AK8: variants seen among roughly 807,000 people sequenced by gnomAD.
AK8 encodes the protein ATP-AMP transphosphorylase 8.
AK8 carries 44 observed loss-of-function variants against 54.6 expected under a neutral mutation model. That is an observed-to-expected ratio of 0.81 (90% confidence interval 0.63 to 1.04). The LOEUF (loss-of-function observed/expected upper bound fraction) is 1.04. Ranked by LOEUF, AK8 falls within the 50% of genes least tolerant of loss-of-function variation. The pLI is 0.00. For missense variants in AK8, 555 were observed against 613.6 expected (o/e 0.90, Z 1.01); for synonymous variants, 239 against 245.6 (o/e 0.97, Z 0.25).
intron 11 of AK8, among the ~76,000 whole-genome samples, chr9:132,780,777 AAAC>A (rs1839429758): frequency 6.6e-6 from 1 of 152,166 alleles, no homozygotes; most frequent in Admixed American, 6.5e-5. Flanking sequence ...ATACTCCAGA[AAAC>A]AACACCAAGA....
rs772177520 is a variant in AK8, at chr9:132,792,687, C to G, written c.1068G>C (p.Pro356=). 3 of 1,556,088 alleles carry G rather than the reference C, an allele frequency of 1.9e-6. No individual in the cohort carries two copies. In the Admixed American group the frequency reaches 5.8e-5, roughly 30 times the overall value. ...GCAGGTGTGCCTGGTCGAGGTCCCGCGGGACGCCGTGTAGCACCCAGCCTT... is the reference window on the plus strand; with the variant it reads ...GCAGGTGTGCCTGGTCGAGGTCCCGGGGGACGCCGTGTAGCACCCAGCCTT... ...IQKGWVLHGV[P]RDLDQAHLLN... The change falls in exon 11 of 13, where the codon CCG becomes CCC. Residue 356 remains proline, a synonymous_variant. Transcript: ENST00000298545.
At chr9:132,738,367 T>C (rs781299026) in intron 11 of AK8, among the ~76,000 whole-genome samples, 4 of 152,156 alleles carry the variant, frequency 2.6e-5, no homozygotes, top group Non-Finnish European at 5.9e-5. Context: ...TATCTTAACA[T>C]GGGCAGTTTT....
intron 1 of AK8, among the ~76,000 whole-genome samples, chr9:132,876,902 TA>T (rs879465685): frequency 3.4e-5 from 5 of 146,970 alleles, no homozygotes; most frequent in African/African-American, 1.2e-4. Context: ...GTACTAAAAT[TA>T]AAAAAAAAAC....
chr9:132,878,407 C>T (rs912023482), upstream of AK8: 13 of 1,238,426 alleles, frequency 1.0e-5, no homozygotes, highest in Non-Finnish European at 1.2e-5. The surrounding 1 kb of genome is among the most constrained non-coding windows in gnomAD (Gnocchi z 4.7). Flanking sequence ...CCCGCCCCGA[C>T]CTCCCCGGCT....
intron 10 of AK8, among the ~76,000 whole-genome samples, chr9:132,811,532 C>A (rs1405530658): frequency 1.3e-5 from 2 of 152,260 alleles, no homozygotes; most frequent in Non-Finnish European, 2.9e-5. Flanking sequence ...AGGAGCACAG[C>A]CCTACTAATA....
rs1840357029 is a variant in AK8, at chr9:132,799,793, G to T, written c.980-7018C>A. ...TCATCCCTCACATTCGCTTCAAACTGCCCGGTGTAACTTCTTTCCTTCTTC... is the reference window on the plus strand; with the variant it reads ...TCATCCCTCACATTCGCTTCAAACTTCCCGGTGTAACTTCTTTCCTTCTTC... On this transcript the variant is annotated intron_variant, in intron 10 of 12. Transcript: ENST00000298545. The surrounding 1 kb of genome is among the most constrained non-coding windows in gnomAD (Gnocchi z 5.0). Among the ~76,000 whole-genome samples the T allele has an allele frequency of 6.6e-6, 1 of 152,064 alleles. No individual in the cohort carries two copies. Among genetic ancestry groups the T allele is most frequent in the African/African-American group, 2.4e-5 (1 of 41,362 alleles).
In AK8 at chr9:132,827,069, G is replaced by A. The variant is rs747394489; in HGVS notation, c.557-15C>T. The A allele has an allele frequency of 1.7e-5, 28 of 1,612,734 alleles. No homozygotes were observed. The highest frequency in any genetic ancestry group is 1.1e-4 in the African/African-American group (8 of 74,898). On this transcript the variant is annotated splice_polypyrimidine_tract_variant and intron_variant, in intron 7 of 12. Coordinates refer to ENST00000298545, the MANE Select transcript of AK8 (RefSeq NM_152572.3). ...GTGATAAATCTCTACAAGGAGAGAGGTGCACAGTTAGAAATGGCCATGCAG... is the reference window on the plus strand; with the variant it reads ...GTGATAAATCTCTACAAGGAGAGAGATGCACAGTTAGAAATGGCCATGCAG...
Position 132,817,735 on chromosome 9 carries a change from A to G in AK8, c.890-3008T>C, listed in dbSNP as rs1294636274. ...CCAAATCTAAGAGACCTAGAGGACA[A>G]TACCAGACAGTCTAACATATGTGGA... On this transcript the variant is annotated intron_variant, in intron 9 of 12. Transcript: ENST00000298545. Among the ~76,000 whole-genome samples the G allele has an allele frequency of 3.3e-5, 5 of 152,360 alleles. No individual in the cohort carries two copies. The East Asian group carries it at 7.7e-4, about 23-fold the overall frequency.
intron 10 of AK8, among the ~76,000 whole-genome samples, chr9:132,813,522 C>T (rs1380772725): frequency 2.6e-5 from 4 of 152,326 alleles, no homozygotes; most frequent in South Asian, 2.1e-4. Context: ...ACAATAAGCA[C>T]GTGTTCACAA....
intron 11 of AK8, among the ~76,000 whole-genome samples, chr9:132,756,008 C>A (rs558823702): frequency 3.3e-5 from 5 of 152,256 alleles, no homozygotes; most frequent in Admixed American, 6.5e-5. Context: ...CTCAAGTGAT[C>A]CACCTGCCTT....
chr9:132,773,542 G>A (rs1292185074), intron 11 of AK8, among the ~76,000 whole-genome samples: 2 of 152,162 alleles, frequency 1.3e-5, no homozygotes, highest in African/African-American at 4.8e-5. Context: ...TTCCTTTTGA[G>A]TCCCAAGAAC....
chr9:132,725,724 A>C lies in AK8; in HGVS notation c.1404T>G (p.Ser468Arg). 6.3e-7 allele frequency: 1 copy of C among 1,584,052 alleles called. No individual in the cohort carries two copies. Among genetic ancestry groups the C allele is most frequent in the South Asian group, 1.2e-5 (1 of 86,680 alleles). The change falls in exon 13 of 13, where the codon AGT becomes AGG. Residue 468 changes from serine to arginine, a missense_variant. Physicochemically the swap from Ser to Arg is moderately radical, Grantham distance 110. Coordinates refer to ENST00000298545, the MANE Select transcript of AK8 (RefSeq NM_152572.3). ...TCTTGGGCAGGGGATTAATGATCCC[A>C]CTCTCGATGTATTCGAAGACTGTGT... is the stretch of plus-strand genomic sequence containing the variant. The part of the protein sequence containing the change: ...DPYTVFEYIE[S>R]GIINPLPKKI...
chr9:132,848,532 C>T (rs551470408), intron 5 of AK8, among the ~76,000 whole-genome samples: 10 of 152,282 alleles, frequency 6.6e-5, no homozygotes, highest in African/African-American at 1.4e-4. Context: ...CAGCCTAAGA[C>T]GGCCCCTCCA....
rs551510504 is a variant in AK8 at position 132,854,905 on chromosome 9, G to C, written c.354C>G (p.Leu118=). 6.2e-7 allele frequency: 1 copy of C among 1,613,944 alleles called. No individual in the cohort carries two copies. Among genetic ancestry groups the C allele is most frequent in the East Asian group, 2.2e-5 (1 of 44,852 alleles). ...CCAGGCGTTCCTGAATCAGCTGGAC[G>C]AGCAGCGCGCTGGGAACTGTCTGAA... ...LQRKTVPSAL[L]VQLIQERLAE... Residue 118 remains leucine (L), a synonymous_variant, in exon 5 of 13, where the codon CTC becomes CTG. Coordinates refer to ENST00000298545, the MANE Select transcript of AK8 (RefSeq NM_152572.3).
rs1277677218 is a variant in AK8, at chr9:132,799,236, T to G, written c.980-6461A>C. Among the ~76,000 whole-genome samples the G allele has an allele frequency of 6.6e-6, 1 of 152,122 alleles. No homozygotes were observed. On this transcript the variant is annotated intron_variant, in intron 10 of 12. Transcript: ENST00000298545. The surrounding 1 kb of genome is among the most constrained non-coding windows in gnomAD (Gnocchi z 5.0). ...CCTTGGCTTTCTGCCCATCAGTTAT[T>G]GTTGAGGGAGAAGATATGAGGGACA...
rs143389890 is a variant in AK8 at position 132,826,259 on chromosome 9, G to A, written c.757+595C>T. 2.0e-5 allele frequency among the ~76,000 whole-genome samples: 3 copies of A among 152,234 alleles called. No homozygotes were observed. Among genetic ancestry groups the A allele is most frequent in the South Asian group, 2.1e-4 (1 of 4,822 alleles). On this transcript the variant is annotated intron_variant, in intron 8 of 12. Coordinates refer to ENST00000298545, the MANE Select transcript of AK8 (RefSeq NM_152572.3). This position sits in a 1 kb window ranked among gnomAD's most constrained non-coding sequence, Gnocchi z 4.5. ...AGAGGCTGCACAGCTGGGCTGCGTC[G>A]GGGCTGAGATTTGAACAGGTTGCTC...
chr9:132,748,216 C>T (rs1291327904), intron 11 of AK8, among the ~76,000 whole-genome samples: 5 of 151,544 alleles, frequency 3.3e-5, no homozygotes, highest in Middle Eastern at 3.2e-3. Flanking sequence ...CGTAGATAAC[C>T]GTAAGACTGG....
chr9:132,817,565 C>T (rs1051207439), intron 9 of AK8, among the ~76,000 whole-genome samples: 4 of 152,176 alleles, frequency 2.6e-5, no homozygotes, highest in African/African-American at 9.7e-5. Flanking sequence ...GATGGAAATT[C>T]TGGACCTGGA....
chr9:132,819,679 G>A (rs866590103), intron 9 of AK8, among the ~76,000 whole-genome samples: 2 of 152,008 alleles, frequency 1.3e-5, no homozygotes, highest in Admixed American at 6.6e-5. Context: ...TATCCTAATC[G>A]ATATTATAGA....
Sources: allele counts gnomAD v4.1 joint callset (sites outside exome capture counted in the v4.1 genomes callset), GRCh38; gene constraint gnomAD v4.1.1; non-coding constraint Gnocchi (gnomAD v3.1); transcripts MANE v1.5; gene names NCBI Gene and HGNC (gene_info 2026-07-23, HGNC 2026-07-21).